BAHCC1: variants seen among roughly 807,000 people sequenced by gnomAD.
BAHCC1 encodes the protein BAH domain and coiled-coil containing 1.
A neutral mutation model predicts 88.2 loss-of-function variants in BAHCC1; 43 were observed. The ratio of observed to expected loss-of-function variants is 0.49; its 90% CI spans 0.38 to 0.63. The LOEUF is 0.63. BAHCC1 is among the 20% of genes least tolerant of loss of function. The probability of loss-of-function intolerance (pLI) is 0.00; values close to 1 mark genes in which losing one functional copy is unlikely to be tolerated. For missense variants in BAHCC1, 3,023 were observed against 1,654.8 expected (o/e 1.83, Z -14.34); for synonymous variants, 1,510 against 745.5 (o/e 2.03, Z -16.71).
intron 11 of BAHCC1, 54 bp downstream of exon 11, chr17:81,447,902 G>A (rs558430774): frequency 5.8e-5 from 41 of 707,742 alleles, no homozygotes; most frequent in African/African-American, 4.0e-4. Context: ...GGACCCACAC[G>A]CCTGCCTCAG....
In BAHCC1 at chr17:81,441,972, T is replaced by C. The variant is rs1555652606; in HGVS notation, c.623T>C (p.Leu208Pro). Residue 208 changes from leucine (L) to proline (P), a missense_variant, in exon 5 of 28, where the codon CTG becomes CCG. Coordinates refer to ENST00000675386, the MANE Select transcript of BAHCC1 (RefSeq NM_001377448.1). The stretch of plus-strand genomic sequence containing the variant: ...CGAGACCGGGGTGAGGCAGGCTCCC[T>C]GCAGAAGGGCCCCAAGGACTTCGAC... ...RDRDRGEAGS[L>P]QKGPKDFDRF... The C allele has an allele frequency of 1.3e-6, 1 of 751,344 alleles. No homozygotes were observed. Among genetic ancestry groups the C allele is most frequent in the East Asian group, 2.5e-5 (1 of 39,890 alleles). The allele number at this position is 751,344 out of a possible 1,614,324, so 46.5% of individuals were successfully genotyped here. A position where few individuals can be genotyped will look rare whatever the true frequency, so the allele number is the denominator to read the frequency against.
intron 4 of BAHCC1, among the ~76,000 whole-genome samples, chr17:81,440,035 G>A (rs1189488487): frequency 1.3e-5 from 2 of 152,172 alleles, no homozygotes; most frequent in Non-Finnish European, 2.9e-5. Context: ...AGGGGAGCAG[G>A]CATGGGGGCC....
In BAHCC1 at chr17:81,444,800, C is replaced by T; in HGVS notation, c.2645C>T (p.Thr882Ile). Reference protein sequence around the residue: ...TQLVILPSEPTPHSAPHALAD... With the variant: ...TQLVILPSEPIPHSAPHALAD... Reference sequence around the variant, plus strand: ...CTGGTCATCCTGCCCTCAGAGCCCACACCCCACAGCGCCCCCCACGCACTT... The same window carrying T: ...CTGGTCATCCTGCCCTCAGAGCCCATACCCCACAGCGCCCCCCACGCACTT... Residue 882 changes from threonine to isoleucine, a missense_variant, in exon 8 of 28, where the codon ACA (threonine) becomes ATA (isoleucine). By Grantham distance (89) the Thr-to-Ile change is moderately conservative. Coordinates refer to ENST00000675386, the MANE Select transcript of BAHCC1 (RefSeq NM_001377448.1). The T allele has an allele frequency of 1.3e-6, 1 of 778,002 alleles. No homozygotes were observed. The highest frequency in any genetic ancestry group is 2.4e-6 in the Non-Finnish European group (1 of 417,244). The allele number at this position is 778,002 out of a possible 1,614,324, so 48.2% of individuals were successfully genotyped here.
rs781919013 is a variant in BAHCC1 at position 81,442,917 on chromosome 17, T to C, written c.1568T>C (p.Leu523Ser). The C allele has an allele frequency of 1.0e-5, 8 of 779,008 alleles. No homozygotes were observed. The highest frequency in any genetic ancestry group is 5.1e-5 in the African/African-American group (3 of 59,132). The allele number at this position is 779,008 out of a possible 1,614,324, so 48.3% of individuals were successfully genotyped here. The change falls in exon 5 of 28, where the codon TTA (leucine) becomes TCA (serine). Residue 523 changes from leucine to serine, a missense_variant. Leu to Ser is a moderately radical substitution (Grantham distance 145, BLOSUM62 -2). Coordinates refer to ENST00000675386, the MANE Select transcript of BAHCC1 (RefSeq NM_001377448.1). ...GGKAPQACCTLDKTVGKEAPA... is the reference protein window; with the variant it reads ...GGKAPQACCTSDKTVGKEAPA... Reference sequence around the variant, plus strand: ...AAGGCCCCCCAGGCCTGCTGCACTTTAGATAAGACTGTTGGCAAGGAAGCC... The same window carrying C: ...AAGGCCCCCCAGGCCTGCTGCACTTCAGATAAGACTGTTGGCAAGGAAGCC...
At chr17:81,462,450 C>T (rs1242820053) in intron 26 of BAHCC1, 1 of 509,962 alleles carries the variant, frequency 2.0e-6, no homozygotes, top group East Asian at 3.3e-5. Context: ...CTTTTGCCTT[C>T]GTAAATAACA....
chr17:81,446,210 A>G (rs2064523856), intron 10 of BAHCC1, among the ~76,000 whole-genome samples: 1 of 152,120 alleles, frequency 6.6e-6, no homozygotes, highest in African/African-American at 2.4e-5. Flanking sequence ...GGCGAACATA[A>G]AACCCGTCCT....
intron 16 of BAHCC1, among the ~76,000 whole-genome samples, chr17:81,457,070 G>A (rs1896785358): frequency 6.6e-6 from 1 of 152,154 alleles, no homozygotes; most frequent in African/African-American, 2.4e-5. Flanking sequence ...GGGCCGCTTG[G>A]GGCTGGGGGA....
chr17:81,422,863 G>C (rs546580432), intron 2 of BAHCC1: 1 of 358,448 alleles, frequency 2.8e-6, no homozygotes. Context: ...TGGGGGACTC[G>C]AGGCGGGCCT....
intron 16 of BAHCC1, 154 bp downstream of exon 16, chr17:81,456,739 T>G (rs1448789366): frequency 2.8e-5 from 16 of 572,712 alleles, no homozygotes; most frequent in Non-Finnish European, 4.9e-5. Flanking sequence ...CTGAACAGGC[T>G]GGGGAAGGAG....
rs1555658367 is a variant in BAHCC1, at chr17:81,458,983, G to T, written c.5605+14G>T. 2 of 719,008 alleles carry T rather than the reference G, an allele frequency of 2.8e-6. No individual in the cohort carries two copies. Among genetic ancestry groups the T allele is most frequent in the Non-Finnish European group, 2.6e-6 (1 of 384,634 alleles). 44.5% of individuals were successfully genotyped at this position (719,008 alleles called of 1,614,324 possible). A position where few individuals can be genotyped will look rare whatever the true frequency, so the allele number is the denominator to read the frequency against. On this transcript the variant is annotated intron_variant, in intron 20 of 27. Transcript: ENST00000675386. ...GCGCCGCCCTAGGTGAGCAGGGCCA[G>T]GAAGGGTGCCAGCCGCCTGGGGAGG...
At chr17:81,455,186 C>T in intron 14 of BAHCC1, 81 bp from the exon 15 acceptor site, 2 of 673,840 alleles carry the variant, frequency 3.0e-6, no homozygotes, top group Non-Finnish European at 5.5e-6. Context: ...CACAGTGTGA[C>T]CCACTACAGA....
intron 2 of BAHCC1, among the ~76,000 whole-genome samples, chr17:81,417,248 G>A (rs575521811): frequency 2.0e-5 from 3 of 152,170 alleles, no homozygotes; most frequent in Non-Finnish European, 4.4e-5. Flanking sequence ...TTGGGGCGAG[G>A]AGACTCATCC....
chr17:81,450,969 A>C (rs2064622395), intron 11 of BAHCC1: 1 of 152,650 alleles, frequency 6.6e-6, no homozygotes. Context: ...GCCTCCCTGC[A>C]GCCATTGCTC....
chr17:81,418,784 T>C lies in BAHCC1; in HGVS notation c.179-8016T>C, dbSNP rs906509266. Reference sequence around the variant, plus strand: ...GTGTGTACGTGTGTGTACGTGTGTGTGTACGTGTGTGCGTGTGTGTGTGTA... The same window carrying C: ...GTGTGTACGTGTGTGTACGTGTGTGCGTACGTGTGTGCGTGTGTGTGTGTA... On this transcript the variant is annotated intron_variant, in intron 2 of 27. Transcript: ENST00000675386. 6.2e-3 allele frequency among the ~76,000 whole-genome samples: 751 copies of C among 121,664 alleles called. 8 individuals carry two copies. The highest frequency in any genetic ancestry group is 0.022 in the African/African-American group (689 of 31,516). The allele number at this position is 121,664 out of a possible 152,430, so 79.8% of individuals were successfully genotyped here.
chr17:81,439,701 G>C (rs1410337380), intron 4 of BAHCC1, among the ~76,000 whole-genome samples: 1 of 151,812 alleles, frequency 6.6e-6, no homozygotes, highest in African/African-American at 2.4e-5. Flanking sequence ...TAGGGCTGGA[G>C]CTCAGGGTGG....
chr17:81,395,496 C>CG lies in BAHCC1; in HGVS notation c.-345dup. 6.6e-6 allele frequency: 1 copy of CG among 152,332 alleles called. No homozygotes were observed. Among genetic ancestry groups the CG allele is most frequent in the East Asian group, 1.9e-4 (1 of 5,182 alleles). 9.4% of individuals were successfully genotyped at this position (152,332 alleles called of 1,614,324 possible). ...GTTTGAGAGCCGCTCTGGATGGGCT[C>CG]GCTAGAGTCGTTGTTGTGGAAGCGG... On this transcript the variant is annotated 5_prime_UTR_variant, in exon 1 of 28. It introduces an in-frame stop codon into an upstream open reading frame of the 5' UTR. Coordinates refer to ENST00000675386, the MANE Select transcript of BAHCC1 (RefSeq NM_001377448.1).
Position 81,443,885 on chromosome 17 carries a change from C to G in BAHCC1, c.2292C>G (p.Arg764=). 1 of 713,544 alleles carries G rather than the reference C, an allele frequency of 1.4e-6. No individual in the cohort carries two copies. Among genetic ancestry groups the G allele is most frequent in the Non-Finnish European group, 2.6e-6 (1 of 384,898 alleles). The allele number at this position is 713,544 out of a possible 1,614,324, so 44.2% of individuals were successfully genotyped here. ...AGAGGACGAGGCTATGTGATGACCG[C>G]CTGGGGCTTGCCAGCCGCGAGCTGC... ...EEERTRLCDD[R]LGLASRELLL... The change falls in exon 6 of 28, where the codon CGC becomes CGG. Residue 764 remains arginine (R), a synonymous_variant. Transcript: ENST00000675386.
chr17:81,419,198 C>A (rs2064081587), intron 2 of BAHCC1, among the ~76,000 whole-genome samples: 4 of 152,354 alleles, frequency 2.6e-5, no homozygotes. Flanking sequence ...AGCTTCTGGT[C>A]TCCTGGTGCG....
Position 81,460,651 on chromosome 17 carries a change from C to T in BAHCC1, c.6147C>T (p.Asp2049=), listed in dbSNP as rs782366984. Residue 2049 remains aspartate, a synonymous_variant, in exon 25 of 28, where the codon GAC becomes GAT. Coordinates refer to ENST00000675386, the MANE Select transcript of BAHCC1 (RefSeq NM_001377448.1). The part of the protein sequence containing the change: ...ATPSLSPKAQ[D]GPEALKTPGK... ...CCAGCCTGTCCCCCAAAGCACAGGA[C>T]GGCCCCGAAGCTTTGAAGACACCTG... 1.3e-5 allele frequency: 10 copies of T among 772,036 alleles called. No individual in the cohort carries two copies. The highest frequency in any genetic ancestry group is 4.9e-5 in the East Asian group (2 of 40,820). 47.8% of individuals were successfully genotyped at this position (772,036 alleles called of 1,614,324 possible). A position where few individuals can be genotyped will look rare whatever the true frequency, so the allele number is the denominator to read the frequency against.
Sources: gnomAD v4.1 joint callset for allele counts (sites outside exome capture counted in the v4.1 genomes callset) on GRCh38, gnomAD v4.1.1 for gene constraint, MANE v1.5 for transcripts, NCBI Gene and HGNC (gene_info 2026-07-23, HGNC 2026-07-21) for gene names.